Variants in NTRK2 observed in about 807,000 individuals in gnomAD.
NTRK2 encodes neurotrophic receptor tyrosine kinase 2, also known as BDNF/NT-3 growth factors receptor.
In NTRK2, 13 loss-of-function variants were observed where a neutral mutation model predicts 94.5. The observed-to-expected ratio is 0.14, with a 90% CI of 0.09 to 0.22. The LOEUF is 0.22. Among genes scored for constraint, NTRK2 ranks in the 10% least tolerant of loss-of-function variants. The pLI is 1.00. For synonymous variants in NTRK2, 372 were observed against 407.4 expected, an observed-to-expected ratio of 0.91 and a Z score of 1.05; for missense variants, 639 against 1,071.2, an observed-to-expected ratio of 0.60 and a Z score of 5.63.
At chr9:84,801,604 G>A (rs961700923) in intron 12 of NTRK2, among the ~76,000 whole-genome samples, 5 of 152,190 alleles carry the variant, frequency 3.3e-5, no homozygotes, top group Non-Finnish European at 5.9e-5. Context: ...GTTGCCGGGT[G>A]ATTTTGCCCG....
At chr9:84,708,010 T>C in intron 5 of NTRK2, 98 bp downstream of exon 5, 1 of 930,304 alleles carries the variant, frequency 1.1e-6, no homozygotes, top group Non-Finnish European at 1.7e-6. Context: ...GATCTATTTT[T>C]ATACCAAATT....
intron 14 of NTRK2, among the ~76,000 whole-genome samples, chr9:84,926,153 CCTTCCTTCCTTCCTTCCTTTCTTT>C (rs1564470915): frequency 9.3e-3 from 839 of 90,580 alleles, no homozygotes; most frequent in African/African-American, 0.011. Flanking sequence ...TTCCTTCCTT[CCTTCCTTCCTTCCTTCCTTTCTTT>C]CTTTCTTTCT....
chr9:84,709,012 T>A (rs1285210608), intron 5 of NTRK2, among the ~76,000 whole-genome samples: 1 of 152,228 alleles, frequency 6.6e-6, no homozygotes, highest in Non-Finnish European at 1.5e-5. Flanking sequence ...AATTTCAAAT[T>A]TATGTCTCAA....
At chr9:84,742,903 C>A (rs866860365) in intron 10 of NTRK2, among the ~76,000 whole-genome samples, 1 of 146,586 alleles carries the variant, frequency 6.8e-6, no homozygotes, top group South Asian at 2.2e-4. Context: ...CGAGTTCAAG[C>A]GATTCTCCTG....
chr9:84,722,963 T>C (rs1184160153), intron 6 of NTRK2, among the ~76,000 whole-genome samples: 1 of 152,260 alleles, frequency 6.6e-6, no homozygotes, highest in Non-Finnish European at 1.5e-5. Context: ...CTATGATTTA[T>C]ATAACTTTGA....
chr9:84,895,560 C>T (rs896653517), intron 14 of NTRK2, among the ~76,000 whole-genome samples: 8 of 152,182 alleles, frequency 5.3e-5, no homozygotes, highest in African/African-American at 1.9e-4. Context: ...GCTCCTTTAG[C>T]TTCTTGGTAA....
intron 14 of NTRK2, among the ~76,000 whole-genome samples, chr9:84,917,561 C>T (rs557067235): frequency 6.6e-6 from 1 of 152,268 alleles, no homozygotes; most frequent in South Asian, 2.1e-4. Flanking sequence ...GGAGCTCTGA[C>T]TCAAGTGTTC....
intron 14 of NTRK2, among the ~76,000 whole-genome samples, chr9:84,888,546 G>A (rs71506675): frequency 7.1e-6 from 1 of 141,016 alleles, no homozygotes; most frequent in East Asian, 2.2e-4. Flanking sequence ...CCGGGAGGCA[G>A]AGGTTGCAGT....
chr9:84,887,770 G>T (rs1193387845), intron 14 of NTRK2, among the ~76,000 whole-genome samples: 1 of 152,178 alleles, frequency 6.6e-6, no homozygotes, highest in Non-Finnish European at 1.5e-5. Flanking sequence ...TTGTTACATA[G>T]ATTTCAGCTT....
At chr9:84,859,272 G>A (rs1471471004) in intron 12 of NTRK2, among the ~76,000 whole-genome samples, 1 of 152,156 alleles carries the variant, frequency 6.6e-6, no homozygotes, top group Non-Finnish European at 1.5e-5. Context: ...AGCAATTCCT[G>A]TAAGGGGAAA....
chr9:84,780,070 T>C (rs950466888), intron 12 of NTRK2, among the ~76,000 whole-genome samples: 9 of 151,950 alleles, frequency 5.9e-5, no homozygotes, highest in African/African-American at 9.7e-5. Flanking sequence ...AAAATCTGGT[T>C]TTGATTATTA....
chr9:84,814,095 C>A, intron 12 of NTRK2: 1 of 1,065,348 alleles, frequency 9.4e-7, no homozygotes, highest in South Asian at 4.6e-5. Flanking sequence ...AGTCTCCCAG[C>A]AGGGACTGAT....
chr9:84,762,575 C>T (rs960735179), intron 12 of NTRK2, among the ~76,000 whole-genome samples: 6 of 152,164 alleles, frequency 3.9e-5, no homozygotes, highest in East Asian at 3.8e-4. Flanking sequence ...ATTATATCTT[C>T]GTTTTCCTGT....
chr9:84,908,134 C>A (rs1481037770), intron 14 of NTRK2, among the ~76,000 whole-genome samples: 4 of 152,208 alleles, frequency 2.6e-5, no homozygotes, highest in African/African-American at 9.6e-5. Flanking sequence ...CTAGCTGGAC[C>A]CTTCAAACAA....
chr9:85,020,079 T>C, intron 17 of NTRK2, 127 bp from the exon 18 acceptor site: 1 of 975,032 alleles, frequency 1.0e-6, no homozygotes, highest in Non-Finnish European at 1.7e-6. Context: ...ATATATCCTT[T>C]ATGTGTTTAT....
At chr9:84,752,922 T>A (rs996005655) in intron 12 of NTRK2, among the ~76,000 whole-genome samples, 2 of 152,224 alleles carry the variant, frequency 1.3e-5, no homozygotes, top group Non-Finnish European at 2.9e-5. Context: ...GTCTTAGTTG[T>A]GCTGGAGAGT....
At chr9:84,861,669 T>G (rs1321503612) in intron 13 of NTRK2, among the ~76,000 whole-genome samples, 1 of 152,178 alleles carries the variant, frequency 6.6e-6, no homozygotes, top group African/African-American at 2.4e-5. Context: ...AGCTCCTCAT[T>G]AGAATTGAAA....
chr9:84,740,050 G>A (rs1381273052), intron 9 of NTRK2, among the ~76,000 whole-genome samples: 4 of 152,214 alleles, frequency 2.6e-5, no homozygotes, highest in African/African-American at 7.2e-5. Context: ...AGAGGGACAA[G>A]TGAAATCTTC....
intron 12 of NTRK2, among the ~76,000 whole-genome samples, chr9:84,781,206 G>A (rs1011939727): frequency 6.6e-6 from 1 of 152,164 alleles, no homozygotes; most frequent in Non-Finnish European, 1.5e-5. Flanking sequence ...AAAGGTGATA[G>A]GAGTTTTGAG....
Sources: allele counts gnomAD v4.1 joint callset (sites outside exome capture counted in the v4.1 genomes callset), GRCh38; gene constraint gnomAD v4.1.1; transcripts MANE v1.5; gene names NCBI Gene and HGNC (gene_info 2026-07-23, HGNC 2026-07-21).